The following ZMYM2 variants were observed in gnomAD, a reference collection of about 807,000 sequenced individuals.
ZMYM2 encodes the protein zinc finger MYM-type containing 2.
A neutral mutation model predicts 162.8 loss-of-function variants in ZMYM2; 56 were observed. The observed-to-expected ratio is 0.34, with a 90% CI of 0.28 to 0.43. The LOEUF is 0.43. Ranked by LOEUF, ZMYM2 falls within the 20% of genes least tolerant of loss-of-function variation. The pLI, the probability that ZMYM2 is intolerant of heterozygous loss-of-function variation, is 1.00. For synonymous variants in ZMYM2, 510 were observed against 541.6 expected (o/e 0.94, Z 0.81); for missense variants, 1,275 against 1,621.8 (o/e 0.79, Z 3.67).
chr13:19,942,036 C>T, the ZMYM2 span, among the ~76,000 whole-genome samples: 4 of 151,990 alleles, frequency 2.6e-5, no homozygotes, highest in Non-Finnish European at 4.4e-5. Context: ...TTAGCCCCTG[C>T]ACCTGGCCAA....
intron 11 of ZMYM2, among the ~76,000 whole-genome samples, chr13:20,035,482 T>C (rs1953607252): frequency 6.6e-6 from 1 of 152,208 alleles, no homozygotes; most frequent in African/African-American, 2.4e-5. Context: ...ATTGAAAAGA[T>C]TGATTCTGAA....
the ZMYM2 span, among the ~76,000 whole-genome samples, chr13:19,870,748 T>G: frequency 6.6e-6 from 1 of 151,958 alleles, no homozygotes; most frequent in Non-Finnish European, 1.5e-5. Context: ...TGCCTCAGCC[T>G]CCCTAGTAGC....
the ZMYM2 span, among the ~76,000 whole-genome samples, chr13:19,896,389 C>T: frequency 1.3e-5 from 2 of 151,296 alleles, no homozygotes; most frequent in Admixed American, 1.3e-4. Context: ...GGTGATCCGC[C>T]CGCCTCAGCC....
At chr13:20,084,968 G>A (rs528603955) in intron 24 of ZMYM2, among the ~76,000 whole-genome samples, 77 of 152,220 alleles carry the variant, frequency 5.1e-4, no homozygotes, top group African/African-American at 1.7e-3. Flanking sequence ...AGATTTTTTC[G>A]GATTTTGGAA....
chr13:20,066,795 T>C (rs1956713993), intron 19 of ZMYM2, 56 bp from the exon 20 acceptor site: 12 of 1,437,716 alleles, frequency 8.3e-6, no homozygotes, highest in Admixed American at 5.6e-5. Flanking sequence ...TTGTATAAAG[T>C]AATGAAATAA....
At chr13:19,961,506 C>A (rs1165166933) in intron 2 of ZMYM2, among the ~76,000 whole-genome samples, 1 of 152,136 alleles carries the variant, frequency 6.6e-6, no homozygotes, top group Non-Finnish European at 1.5e-5. Context: ...AGGGTTAGAT[C>A]TTTCAAATAG....
In ZMYM2 at chr13:20,087,554, C is replaced by T. The variant is rs1474766862; in HGVS notation, c.*1540C>T. On this transcript the variant is annotated 3_prime_UTR_variant, in exon 25 of 25. Transcript: ENST00000610343. Reference sequence around the variant, plus strand: ...TACACATCCTTAGATACTCCTCTCTCCCATAGGATAAATGTTACAGCACAC... The same window carrying T: ...TACACATCCTTAGATACTCCTCTCTTCCATAGGATAAATGTTACAGCACAC... The T allele has an allele frequency of 1.1e-5, 2 of 185,618 alleles. No individual in the cohort carries two copies. Among genetic ancestry groups the T allele is most frequent in the Non-Finnish European group, 2.3e-5 (2 of 87,694 alleles). 11.5% of individuals were successfully genotyped at this position (185,618 alleles called of 1,614,324 possible).
chr13:19,890,343 T>A, the ZMYM2 span, among the ~76,000 whole-genome samples: 5 of 151,342 alleles, frequency 3.3e-5, no homozygotes, highest in African/African-American at 1.2e-4. Flanking sequence ...TTTTAAAAAT[T>A]TTTTTATAGA....
At chr13:19,967,715 T>TA (rs1476698939) in intron 2 of ZMYM2, among the ~76,000 whole-genome samples, 2 of 152,208 alleles carry the variant, frequency 1.3e-5, no homozygotes, top group African/African-American at 4.8e-5. Flanking sequence ...ATGAGTATGG[T>TA]AATGCCTGGT....
intron 14 of ZMYM2, among the ~76,000 whole-genome samples, chr13:20,056,608 C>T (rs563079982): frequency 6.6e-6 from 1 of 152,106 alleles, no homozygotes; most frequent in African/African-American, 2.4e-5. Context: ...GGCGACACAA[C>T]CTGGGGGCAG....
At chr13:19,945,219 C>G in the ZMYM2 span, among the ~76,000 whole-genome samples, 1 of 152,018 alleles carries the variant, frequency 6.6e-6, no homozygotes, top group African/African-American at 2.4e-5. Flanking sequence ...GTAGAATACT[C>G]AGCAATGTTA....
chr13:20,077,919 G>A (rs534656184), intron 21 of ZMYM2, among the ~76,000 whole-genome samples: 1 of 150,042 alleles, frequency 6.7e-6, no homozygotes, highest in African/African-American at 2.4e-5. Context: ...CTGGGTTCAC[G>A]CCATTCTCCT....
the ZMYM2 span, among the ~76,000 whole-genome samples, chr13:19,876,218 G>C: frequency 6.6e-6 from 1 of 152,046 alleles, no homozygotes; most frequent in Non-Finnish European, 1.5e-5. Context: ...GTGGAGACGA[G>C]GTTTCACCAT....
the ZMYM2 span, among the ~76,000 whole-genome samples, chr13:19,944,990 A>T: frequency 2.0e-5 from 3 of 150,724 alleles, no homozygotes; most frequent in Non-Finnish European, 4.4e-5. Flanking sequence ...TATTTTGAAG[A>T]AAACAAATTA....
the ZMYM2 span, among the ~76,000 whole-genome samples, chr13:19,889,853 AT>A: frequency 0.011 from 1,683 of 147,756 alleles, 61 homozygotes; most frequent in African/African-American, 0.038. Context: ...ACCAATAAGT[AT>A]TTTTTTTTTG....
At chr13:20,030,823 T>TG (rs1300696678) in intron 9 of ZMYM2, among the ~76,000 whole-genome samples, 2 of 152,130 alleles carry the variant, frequency 1.3e-5, no homozygotes, top group Non-Finnish European at 2.9e-5. Context: ...TGTGAGCCAC[T>TG]GCGCCTGGCC....
chr13:20,083,388 G>A (rs1958036647), intron 23 of ZMYM2, among the ~76,000 whole-genome samples: 1 of 152,190 alleles, frequency 6.6e-6, no homozygotes, highest in Non-Finnish European at 1.5e-5. Flanking sequence ...GATTGTCTAT[G>A]GTAGGGATAT....
intron 12 of ZMYM2, among the ~76,000 whole-genome samples, chr13:20,044,530 T>C (rs538931466): frequency 6.6e-6 from 1 of 152,304 alleles, no homozygotes; most frequent in East Asian, 1.9e-4. Flanking sequence ...CCGGGGCAGC[T>C]CTTCTACCTG....
chr13:20,067,174 A>C, intron 20 of ZMYM2, 65 bp from the exon 21 acceptor site: 2 of 1,436,196 alleles, frequency 1.4e-6, no homozygotes, highest in East Asian at 2.5e-5. Flanking sequence ...ATAACGTCAG[A>C]AAGTTTCTTA....
Sources: allele counts gnomAD v4.1 joint callset (sites outside exome capture counted in the v4.1 genomes callset), GRCh38; gene constraint gnomAD v4.1.1; transcripts MANE v1.5; gene names NCBI Gene and HGNC (gene_info 2026-07-23, HGNC 2026-07-21).